The following KALRN variants were observed in gnomAD, a reference collection of about 807,000 sequenced individuals.
KALRN encodes kalirin.
Under a neutral mutation model 353.7 loss-of-function variants are expected in KALRN, and 70 were observed. The ratio of observed to expected loss-of-function variants is 0.20; its 90% confidence interval spans 0.16 to 0.24. The LOEUF (loss-of-function observed/expected upper bound fraction) is 0.24, where lower values mean the gene tolerates loss of function less well. Ranked by LOEUF, KALRN falls within the 10% of genes least tolerant of loss-of-function variation. The pLI is 1.00. For missense variants in KALRN, 2,791 were observed against 3,756.7 expected, an observed-to-expected ratio of 0.74 and a Z score of 6.72; for synonymous variants, 1,391 against 1,434.8, an observed-to-expected ratio of 0.97 and a Z score of 0.69.
chr3:124,670,968 C>A (rs2086351827), intron 47 of KALRN, among the ~76,000 whole-genome samples: 1 of 152,158 alleles, frequency 6.6e-6, no homozygotes, highest in South Asian at 2.1e-4. Flanking sequence ...CTCCCGACCT[C>A]ACCACGCCCA....
intron 1 of KALRN, among the ~76,000 whole-genome samples, chr3:124,181,178 G>T (rs1030914954): frequency 6.6e-6 from 1 of 150,902 alleles, no homozygotes; most frequent in African/African-American, 2.4e-5. Context: ...TTGAACCTGG[G>T]CGACAGAGAT....
intron 6 of KALRN, among the ~76,000 whole-genome samples, chr3:124,320,253 C>T (rs1207993191): frequency 3.9e-5 from 6 of 152,096 alleles, no homozygotes; most frequent in African/African-American, 1.4e-4. Context: ...AGGACAGGGC[C>T]CCTTTAGGGA....
chr3:124,153,919 T>G (rs1478294394), intron 1 of KALRN, among the ~76,000 whole-genome samples: 2 of 152,170 alleles, frequency 1.3e-5, no homozygotes, highest in Admixed American at 1.3e-4. Context: ...ATGTCTTCTT[T>G]TGAGAAGTGT....
chr3:124,349,692 G>A (rs990434485), intron 10 of KALRN, among the ~76,000 whole-genome samples: 3 of 152,042 alleles, frequency 2.0e-5, no homozygotes, highest in African/African-American at 7.2e-5. Context: ...ATAATTGTAA[G>A]TGTTATATTG....
intron 10 of KALRN, among the ~76,000 whole-genome samples, chr3:124,359,116 G>T (rs1330307560): frequency 6.6e-6 from 1 of 152,096 alleles, no homozygotes; most frequent in East Asian, 1.9e-4. Context: ...TATCATGAAG[G>T]GTCACCTTCA....
intron 27 of KALRN, among the ~76,000 whole-genome samples, chr3:124,479,925 G>T (rs1339617078): frequency 6.6e-6 from 1 of 151,888 alleles, no homozygotes; most frequent in African/African-American, 2.4e-5. Flanking sequence ...GGGTTTCACC[G>T]TGTTAGCCAG....
At chr3:124,472,575 ATGTG>A (rs57265173) in intron 25 of KALRN, among the ~76,000 whole-genome samples, 5,447 of 148,666 alleles carry the variant, frequency 0.037, 300 homozygotes, top group African/African-American at 0.12. Context: ...GTGTGTGTAT[ATGTG>A]TGTGTGTGTG....
At chr3:124,141,063 G>A (rs531165626) in intron 1 of KALRN, among the ~76,000 whole-genome samples, 3 of 151,948 alleles carry the variant, frequency 2.0e-5, no homozygotes, top group Non-Finnish European at 4.4e-5. Flanking sequence ...CTTTGATTCC[G>A]CCTTCTTCAG....
chr3:124,559,315 G>A (rs2071653942), intron 33 of KALRN, among the ~76,000 whole-genome samples: 1 of 152,204 alleles, frequency 6.6e-6, no homozygotes, highest in Admixed American at 6.5e-5. Context: ...AGAAAGGAGA[G>A]AGACTGGGAA....
chr3:124,287,115 T>C (rs1031653817), intron 5 of KALRN, among the ~76,000 whole-genome samples: 1 of 152,204 alleles, frequency 6.6e-6, no homozygotes, highest in African/African-American at 2.4e-5. Flanking sequence ...TTCCTATAGC[T>C]TGGTGTTTCT....
chr3:124,615,968 C>T (rs753121511), intron 34 of KALRN, among the ~76,000 whole-genome samples: 1 of 152,164 alleles, frequency 6.6e-6, no homozygotes, highest in African/African-American at 2.4e-5. Flanking sequence ...GAAGGAGGAT[C>T]AGATTAAGAC....
chr3:124,491,870 C>A (rs949338940), intron 31 of KALRN, among the ~76,000 whole-genome samples: 2 of 152,068 alleles, frequency 1.3e-5, no homozygotes, highest in Non-Finnish European at 2.9e-5. Flanking sequence ...AAGATATGGA[C>A]CTTATTCCCT....
chr3:124,350,169 T>C (rs1039992736), intron 10 of KALRN, among the ~76,000 whole-genome samples: 1 of 152,188 alleles, frequency 6.6e-6, no homozygotes, highest in African/African-American at 2.4e-5. Context: ...TGCATTTTGT[T>C]ACAACCATTC....
intron 43 of KALRN, 69 bp downstream of exon 43, chr3:124,659,526 G>A (rs2084540839): frequency 3.8e-6 from 4 of 1,059,460 alleles, no homozygotes; most frequent in East Asian, 2.4e-5. Flanking sequence ...TTCTGAGCTA[G>A]GGGTAGAGCT....
intron 33 of KALRN, chr3:124,518,742 G>A: frequency 7.3e-7 from 1 of 1,372,430 alleles, no homozygotes; most frequent in Non-Finnish European, 9.4e-7. Context: ...ACCTGTGAGA[G>A]GCCCAATGGC....
intron 9 of KALRN, among the ~76,000 whole-genome samples, chr3:124,339,564 C>T (rs1223867034): frequency 6.6e-6 from 1 of 152,132 alleles, no homozygotes; most frequent in East Asian, 1.9e-4. Context: ...GTACAGGCAG[C>T]CTAGGAGCTG....
chr3:124,120,732 ATATATATATATATT>A (rs1193211940), intron 1 of KALRN, among the ~76,000 whole-genome samples: 10 of 119,750 alleles, frequency 8.4e-5, no homozygotes, highest in Non-Finnish European at 1.6e-4. Flanking sequence ...ATATATATAT[ATATATATATATATT>A]TTCACATAAT....
At chr3:124,580,056 C>T (rs13062285) in intron 34 of KALRN, among the ~76,000 whole-genome samples, 34,199 of 152,022 alleles carry the variant, frequency 0.22, 4,303 homozygotes, top group East Asian at 0.33. Context: ...GGACAATGTC[C>T]GAATCTCGAG....
At chr3:124,124,098 C>G (rs2064348612) in intron 1 of KALRN, among the ~76,000 whole-genome samples, 1 of 152,142 alleles carries the variant, frequency 6.6e-6, no homozygotes, top group Non-Finnish European at 1.5e-5. Flanking sequence ...GATAGTGATT[C>G]CTCTGATACA....
Sources: allele counts gnomAD v4.1 joint callset (sites outside exome capture counted in the v4.1 genomes callset), GRCh38; gene constraint gnomAD v4.1.1; transcripts MANE v1.5; gene names NCBI Gene and HGNC (gene_info 2026-07-23, HGNC 2026-07-21).